The following MGAT5 variants were observed in gnomAD, a reference collection of about 807,000 sequenced individuals.
MGAT5 encodes the protein alpha-1,6-mannosylglycoprotein 6-beta-N-acetylglucosaminyltransferase A.
In MGAT5, 30 loss-of-function variants were observed where a neutral mutation model predicts 94.3. The observed-to-expected ratio is 0.32, with a 90% CI of 0.24 to 0.43. The LOEUF (loss-of-function observed/expected upper bound fraction) is 0.43. Among genes scored for constraint, MGAT5 ranks in the 20% least tolerant of loss-of-function variants. The pLI is 1.00. For missense variants in MGAT5, 691 were observed against 905.5 expected (o/e 0.76, Z 3.04); for synonymous variants, 310 against 322.9 (o/e 0.96, Z 0.43).
intron 1 of MGAT5, among the ~76,000 whole-genome samples, chr2:134,242,910 G>A (rs868811253): frequency 2.6e-5 from 4 of 152,020 alleles, no homozygotes; most frequent in Admixed American, 6.6e-5. Context: ...TGGTAGACTA[G>A]CTATTGAAAG....
intron 1 of MGAT5, among the ~76,000 whole-genome samples, chr2:134,184,349 C>T (rs115054737): frequency 1.3e-5 from 2 of 152,154 alleles, no homozygotes; most frequent in African/African-American, 4.8e-5. Context: ...CTTGGCCTCT[C>T]CCTGCCTGTC....
chr2:134,441,582 TGGGCTGAA>T (rs1685488241), intron 14 of MGAT5, among the ~76,000 whole-genome samples, 168 bp from the exon 15 acceptor site: 1 of 152,220 alleles, frequency 6.6e-6, no homozygotes, highest in African/African-American at 2.4e-5. Flanking sequence ...GGTCAAGACC[TGGGCTGAA>T]GGCATATTCC....
At chr2:134,423,322 TTGTTC>T (rs941200863) in intron 13 of MGAT5, among the ~76,000 whole-genome samples, 43 of 152,352 alleles carry the variant, frequency 2.8e-4, no homozygotes, top group African/African-American at 8.9e-4. Flanking sequence ...GTTTGTTTGT[TTGTTC>T]TATCTAAACA....
At chr2:134,179,513 GCA>G (rs1688634752) in intron 1 of MGAT5, among the ~76,000 whole-genome samples, 1 of 151,914 alleles carries the variant, frequency 6.6e-6, no homozygotes, top group Admixed American at 6.6e-5. Flanking sequence ...TTCAGTGTTT[GCA>G]GAGACTTTAT....
chr2:134,139,820 TCCA>T (rs2104949712), intron 1 of MGAT5, among the ~76,000 whole-genome samples: 1 of 152,228 alleles, frequency 6.6e-6, no homozygotes, highest in Admixed American at 6.5e-5. Flanking sequence ...TGACATGCCA[TCCA>T]CAGGCCAGGC....
intron 1 of MGAT5, among the ~76,000 whole-genome samples, chr2:134,161,887 A>G (rs886307128): frequency 6.6e-6 from 1 of 152,114 alleles, no homozygotes; most frequent in African/African-American, 2.4e-5. Flanking sequence ...GTGAAGTGAT[A>G]AGAATGAGAA....
intron 2 of MGAT5, among the ~76,000 whole-genome samples, chr2:134,280,158 A>G (rs940373203): frequency 6.6e-6 from 1 of 152,188 alleles, no homozygotes. Context: ...TCTCGCTTAC[A>G]TCCCAGAAAA....
chr2:134,406,327 T>G (rs995531120), intron 11 of MGAT5, among the ~76,000 whole-genome samples: 53 of 152,200 alleles, frequency 3.5e-4, no homozygotes, highest in African/African-American at 1.2e-3. Flanking sequence ...AAGCTGTGGC[T>G]TCTGCACATA....
chr2:134,209,152 A>ATTTTTTTTTTTTTTTTAT (rs1680174919), intron 1 of MGAT5, among the ~76,000 whole-genome samples: 1 of 20,780 alleles, frequency 4.8e-5, no homozygotes, highest in Non-Finnish European at 6.4e-5. Context: ...TTTTTTTTTT[A>ATTTTTTTTTTTTTTTTAT]TTTTTTTTTT....
chr2:134,247,340 T>C (rs1373305011), intron 1 of MGAT5, among the ~76,000 whole-genome samples: 1 of 116,856 alleles, frequency 8.6e-6, no homozygotes, highest in African/African-American at 3.3e-5. Context: ...TTCATGTGAA[T>C]AGATACCTGG....
At chr2:134,391,196 G>T (rs1464642005) in intron 10 of MGAT5, among the ~76,000 whole-genome samples, 17 of 152,232 alleles carry the variant, frequency 1.1e-4, no homozygotes, top group African/African-American at 3.8e-4. Flanking sequence ...TGCTGAGAGA[G>T]TTGAGGAGGT....
At chr2:134,448,553 C>T (rs796458934) in intron 15 of MGAT5, 96 bp from the exon 16 acceptor site, 1 of 1,091,794 alleles carries the variant, frequency 9.2e-7, no homozygotes, top group African/African-American at 1.5e-5. Context: ...AACTGAACAT[C>T]CCCCCATGCC....
intron 12 of MGAT5, among the ~76,000 whole-genome samples, chr2:134,416,642 T>G (rs970134037): frequency 1.4e-4 from 21 of 152,008 alleles, no homozygotes; most frequent in African/African-American, 5.1e-4. Context: ...TCGCTACTCT[T>G]TTTATATTTG....
chr2:134,368,396 G>A (rs1405367681), intron 10 of MGAT5, among the ~76,000 whole-genome samples: 8 of 152,234 alleles, frequency 5.3e-5, no homozygotes, highest in Non-Finnish European at 8.8e-5. Flanking sequence ...GCCTGATGTG[G>A]TCCAGCCCTC....
At chr2:134,134,714 TTGTC>T (rs1304500049) in intron 1 of MGAT5, among the ~76,000 whole-genome samples, 1 of 152,152 alleles carries the variant, frequency 6.6e-6, no homozygotes, top group East Asian at 1.9e-4. Context: ...GCAATTTTGA[TTGTC>T]AGTGATTGAG....
intron 3 of MGAT5, among the ~76,000 whole-genome samples, chr2:134,318,442 C>G (rs944073006): frequency 2.0e-5 from 3 of 152,182 alleles, no homozygotes; most frequent in Admixed American, 6.5e-5. Flanking sequence ...TGAGGCCTAA[C>G]GTAAGCCAGT....
rs892205644 is a variant in MGAT5 at position 134,452,787 on chromosome 2, T to C, written c.*3940T>C. The C allele has an allele frequency of 6.6e-6, 1 of 152,270 alleles. No individual in the cohort carries two copies. Among genetic ancestry groups the C allele is most frequent in the Non-Finnish European group, 1.5e-5 (1 of 68,052 alleles). The allele number at this position is 152,270 out of a possible 1,614,324, so 9.4% of individuals were successfully genotyped here. A position where few individuals can be genotyped will look rare whatever the true frequency, so the allele number is the denominator to read the frequency against. On this transcript the variant is annotated 3_prime_UTR_variant, in exon 16 of 16. Transcript: ENST00000281923. ...TTTAAAAGTATTTTAATTTCCATAT[T>C]GGCTTTATTCTAATCCCATCCATCC...
At chr2:134,248,028 G>T (rs1212538949) in intron 1 of MGAT5, among the ~76,000 whole-genome samples, 5 of 152,140 alleles carry the variant, frequency 3.3e-5, no homozygotes, top group African/African-American at 1.2e-4. Flanking sequence ...TTCTTCTGGA[G>T]TGTTTTTTTG....
intron 14 of MGAT5, among the ~76,000 whole-genome samples, chr2:134,439,754 G>A (rs1011128341): frequency 1.3e-5 from 2 of 152,136 alleles, no homozygotes; most frequent in Admixed American, 6.5e-5. Context: ...AATGGCAACA[G>A]TATGCCCTCT....
Sources: allele counts gnomAD v4.1 joint callset (sites outside exome capture counted in the v4.1 genomes callset), GRCh38; gene constraint gnomAD v4.1.1; transcripts MANE v1.5; gene names NCBI Gene and HGNC (gene_info 2026-07-23, HGNC 2026-07-21).